TTC28: variants seen among roughly 807,000 people sequenced by gnomAD.
TTC28 encodes the protein tetratricopeptide repeat domain 28.
TTC28 carries 61 observed loss-of-function variants against 198.0 expected under a neutral mutation model. That is an observed-to-expected ratio of 0.31 (90% CI 0.25 to 0.38). TTC28 has a LOEUF of 0.38. TTC28 is among the 10% of genes least tolerant of loss of function. The pLI is 1.00. For synonymous variants in TTC28, 1,171 were observed against 1,297.8 expected, an observed-to-expected ratio of 0.90 and a Z score of 2.10; for missense variants, 2,678 against 3,164.0, an observed-to-expected ratio of 0.85 and a Z score of 3.69.
At chr22:28,344,021 A>T (rs1218043796) in intron 2 of TTC28, among the ~76,000 whole-genome samples, 2 of 152,110 alleles carry the variant, frequency 1.3e-5, no homozygotes, top group African/African-American at 4.8e-5. Flanking sequence ...ACAGAAAAAA[A>T]TAGCATTTAC....
chr22:28,543,389 AGAAGAT>A lies in TTC28; in HGVS notation c.381+86157_381+86162del, dbSNP rs145747661. Among the ~76,000 whole-genome samples the A allele has an allele frequency of 9.6e-3, 1,457 of 151,360 alleles. 23 individuals are homozygous for A. The highest frequency in any genetic ancestry group is 0.03 in the African/African-American group (1,228 of 41,084). ...GAAGAGAAAGAATAGGAAGAAGAAA[AGAAGAT>A]GAAGATGAAGATGAAGATGAAGAAG... is the stretch of plus-strand genomic sequence containing the variant. On this transcript the variant is annotated intron_variant, in intron 2 of 22. Coordinates refer to ENST00000397906, the MANE Select transcript of TTC28 (RefSeq NM_001145418.2).
chr22:28,446,039 T>C (rs2047695711), intron 2 of TTC28, among the ~76,000 whole-genome samples: 1 of 151,682 alleles, frequency 6.6e-6, no homozygotes. Flanking sequence ...ATAAAAGAAA[T>C]AGAAACAAGA....
At chr22:28,628,722 T>C (rs1282997870) in intron 2 of TTC28, among the ~76,000 whole-genome samples, 2 of 152,110 alleles carry the variant, frequency 1.3e-5, no homozygotes, top group African/African-American at 4.8e-5. Context: ...GGCAGATTGC[T>C]TGAGCTCAGG....
intron 10 of TTC28, among the ~76,000 whole-genome samples, chr22:28,097,312 C>G (rs1034449091): frequency 2.6e-5 from 4 of 152,230 alleles, no homozygotes; most frequent in African/African-American, 7.2e-5. Flanking sequence ...GTAAAGATGG[C>G]TGGCAGGCCT....
chr22:28,210,078 C>A (rs566960120), intron 5 of TTC28, among the ~76,000 whole-genome samples: 1 of 152,282 alleles, frequency 6.6e-6, no homozygotes, highest in South Asian at 2.1e-4. Context: ...TTAGGGTCCT[C>A]AGTGTTAGAA....
intron 2 of TTC28, among the ~76,000 whole-genome samples, chr22:28,386,136 G>A (rs1449458113): frequency 2.7e-5 from 4 of 150,240 alleles, no homozygotes; most frequent in Non-Finnish European, 1.5e-5. Flanking sequence ...ATAGCCGGGC[G>A]TAGTGGCGGG....
intron 17 of TTC28, among the ~76,000 whole-genome samples, chr22:27,994,266 A>T (rs1428004443): frequency 6.6e-6 from 1 of 152,120 alleles, no homozygotes; most frequent in African/African-American, 2.4e-5. Flanking sequence ...CAACATAGCG[A>T]GACCCCAGCT....
At chr22:28,287,060 T>C (rs1389620242) in intron 5 of TTC28, among the ~76,000 whole-genome samples, 1 of 152,130 alleles carries the variant, frequency 6.6e-6, no homozygotes, top group Non-Finnish European at 1.5e-5. Flanking sequence ...ACCTGAAATA[T>C]CTTCAGCAAT....
intron 2 of TTC28, among the ~76,000 whole-genome samples, chr22:28,308,168 C>G (rs1164318163): frequency 6.6e-6 from 1 of 152,114 alleles, no homozygotes; most frequent in African/African-American, 2.4e-5. Flanking sequence ...ACTTTCATTA[C>G]TAATTCATAG....
intron 6 of TTC28, among the ~76,000 whole-genome samples, chr22:28,115,555 T>C (rs879660596): frequency 2.6e-5 from 4 of 152,202 alleles, no homozygotes; most frequent in Non-Finnish European, 4.4e-5. Context: ...AACAGAGAAG[T>C]ACACATTAGA....
intron 2 of TTC28, among the ~76,000 whole-genome samples, chr22:28,404,113 T>TTTTG (rs921526846): frequency 1.9e-4 from 29 of 152,052 alleles, no homozygotes; most frequent in Non-Finnish European, 1.2e-4. Context: ...AATATATGTT[T>TTTTG]TTTGTTTGTT....
intron 12 of TTC28, among the ~76,000 whole-genome samples, chr22:28,049,131 C>G (rs1939980363): frequency 6.6e-6 from 1 of 152,212 alleles, no homozygotes. Flanking sequence ...AGCATCAGGC[C>G]TTGGCTACAG....
intron 12 of TTC28, among the ~76,000 whole-genome samples, chr22:28,063,253 C>G (rs543058731): frequency 6.6e-6 from 1 of 152,272 alleles, no homozygotes; most frequent in South Asian, 2.1e-4. Context: ...TCTTTCCATT[C>G]CAAGATATCC....
chr22:28,651,522 C>A (rs1569084267), intron 1 of TTC28, among the ~76,000 whole-genome samples: 1 of 151,914 alleles, frequency 6.6e-6, no homozygotes, highest in Non-Finnish European at 1.5e-5. Flanking sequence ...TTCAGGCAAT[C>A]CTCCTGCCTC....
intron 12 of TTC28, among the ~76,000 whole-genome samples, chr22:28,080,779 T>A (rs1236696715): frequency 6.6e-6 from 1 of 152,210 alleles, no homozygotes; most frequent in Non-Finnish European, 1.5e-5. Flanking sequence ...GTCAAGTAGC[T>A]TTTCCTCTAT....
chr22:28,433,780 T>A (rs905407457), intron 2 of TTC28, among the ~76,000 whole-genome samples: 1 of 152,186 alleles, frequency 6.6e-6, no homozygotes, highest in African/African-American at 2.4e-5. Context: ...TTTTGTATTG[T>A]GTGTGTTTGT....
chr22:28,318,948 AGT>A (rs1165408347), intron 2 of TTC28, among the ~76,000 whole-genome samples: 1 of 148,232 alleles, frequency 6.7e-6, no homozygotes, highest in Non-Finnish European at 1.5e-5. Flanking sequence ...CCTTGCAAGT[AGT>A]TAGGACTACA....
chr22:28,530,858 C>T (rs1360290481), intron 2 of TTC28, among the ~76,000 whole-genome samples: 2 of 152,148 alleles, frequency 1.3e-5, no homozygotes, highest in African/African-American at 2.4e-5. Context: ...CAAGCAAATG[C>T]TGAGAGATTT....
chr22:28,062,202 C>T (rs1400306120), intron 12 of TTC28, among the ~76,000 whole-genome samples: 1 of 151,998 alleles, frequency 6.6e-6, no homozygotes, highest in Non-Finnish European at 1.5e-5. Flanking sequence ...AGCTTACAGG[C>T]ATGTGCCACC....
Sources: allele counts gnomAD v4.1 joint callset (sites outside exome capture counted in the v4.1 genomes callset), GRCh38; gene constraint gnomAD v4.1.1; transcripts MANE v1.5; gene names NCBI Gene and HGNC (gene_info 2026-07-23, HGNC 2026-07-21).